The following ZNF316 variants were observed in gnomAD, a reference collection of about 807,000 sequenced individuals.
The protein encoded by ZNF316 is zinc finger protein 316.
In ZNF316, 23 loss-of-function variants were observed where a neutral mutation model predicts 75.6. The ratio of observed to expected loss-of-function variants is 0.30; its 90% confidence interval spans 0.22 to 0.43. The LOEUF is 0.43. ZNF316 is among the 20% of genes least tolerant of loss of function. The pLI is 1.00. For missense variants in ZNF316, 1,266 were observed against 1,409.4 expected (o/e 0.90, Z 1.63); for synonymous variants, 827 against 666.2 (o/e 1.24, Z -3.72).
chr7:6,646,721 C>T (rs1295441844), intron 8 of ZNF316, among the ~76,000 whole-genome samples: 2 of 152,010 alleles, frequency 1.3e-5, no homozygotes, highest in East Asian at 3.9e-4. Flanking sequence ...CCCAGTGCTC[C>T]CTGCCTCCCC....
At chr7:6,638,566 G>A (rs1039712517) in intron 2 of ZNF316, among the ~76,000 whole-genome samples, 1 of 152,152 alleles carries the variant, frequency 6.6e-6, no homozygotes, top group Non-Finnish European at 1.5e-5. Context: ...TTCTCCTCTT[G>A]GGAGATACCT....
Position 6,642,493 on chromosome 7 carries a change from G to A in ZNF316, c.84G>A (p.Gln28=). 8.1e-7 allele frequency: 1 copy of A among 1,233,970 alleles called. No homozygotes were observed. Among genetic ancestry groups the A allele is most frequent in the Non-Finnish European group, 1.0e-6 (1 of 988,992 alleles). 76.4% of individuals were successfully genotyped at this position (1,233,970 alleles called of 1,614,324 possible). A position where few individuals can be genotyped will look rare whatever the true frequency, so the allele number is the denominator to read the frequency against. ...ACGGGTCAGAGTGCGACCCTGACCA[G>A]GAAGAAGAGGAGGAGGAGGAGGAAA... The part of the protein sequence containing the change: ...AEDGSECDPD[Q]EEEEEEEEKG... The change falls in exon 5 of 9, where the codon CAG becomes CAA. Residue 28 remains glutamine (Q), a synonymous_variant. Transcript: ENST00000382252. This position sits in a 1 kb window ranked among gnomAD's most constrained non-coding sequence, Gnocchi z 8.1.
intron 8 of ZNF316, among the ~76,000 whole-genome samples, chr7:6,649,342 G>A (rs1779464473): frequency 6.6e-6 from 1 of 152,120 alleles, no homozygotes; most frequent in Admixed American, 6.6e-5. Flanking sequence ...AGGTGTGTTG[G>A]GTACCCTGGG....
rs924581085 is a variant in ZNF316, at chr7:6,639,925, G to A, written c.-167+784G>A. ...CCAAAGAGCTGTGGACACTGAGAAG[G>A]TTGGCTTCTGGGAGAGGCTGGAGGT... On this transcript the variant is annotated intron_variant, in intron 3 of 8. Transcript: ENST00000382252. This position sits in a 1 kb window ranked among gnomAD's most constrained non-coding sequence, Gnocchi z 4.2. Among the ~76,000 whole-genome samples, 1 of 152,220 alleles carries A rather than the reference G, an allele frequency of 6.6e-6. No individual in the cohort carries two copies. Among genetic ancestry groups the A allele is most frequent in the Non-Finnish European group, 1.5e-5 (1 of 68,052 alleles).
In ZNF316 at chr7:6,654,789, C is replaced by CGGAGACGTGGG. The variant is rs1217041122; in HGVS notation, c.*183_*193dup. ...TGCCCGCCGGGTCCGTGTGCTCAGC[C>CGGAGACGTGGG]GGAGACGTGGGGGAGCTCTGGGGAG... On this transcript the variant is annotated 3_prime_UTR_variant, in exon 9 of 9. Coordinates refer to ENST00000382252, the MANE Select transcript of ZNF316 (RefSeq NM_001278559.2). 1 of 474,324 alleles carries CGGAGACGTGGG rather than the reference C, an allele frequency of 2.1e-6. No homozygotes were observed. Among genetic ancestry groups the CGGAGACGTGGG allele is most frequent in the Admixed American group, 5.1e-5 (1 of 19,588 alleles). The allele number at this position is 474,324 out of a possible 1,614,324, so 29.4% of individuals were successfully genotyped here.
rs1010876773 is a variant in ZNF316 at position 6,652,640 on chromosome 7, C to T, written c.1044C>T (p.Asp348=). Residue 348 remains aspartate, a synonymous_variant, in exon 9 of 9, where the codon GAC becomes GAT. Coordinates refer to ENST00000382252, the MANE Select transcript of ZNF316 (RefSeq NM_001278559.2). The part of the protein sequence containing the change: ...PPAGRPETTC[D]VCGKVFPHRS... Reference sequence around the variant, plus strand: ...CCGGGAGGCCGGAGACCACGTGCGACGTGTGCGGCAAGGTCTTCCCGCACC... The same window carrying T: ...CCGGGAGGCCGGAGACCACGTGCGATGTGTGCGGCAAGGTCTTCCCGCACC... 4 of 1,230,776 alleles carry T rather than the reference C, an allele frequency of 3.2e-6. No homozygotes were observed. Among genetic ancestry groups the T allele is most frequent in the Admixed American group, 8.5e-5 (2 of 23,668 alleles). The allele number at this position is 1,230,776 out of a possible 1,614,324, so 76.2% of individuals were successfully genotyped here.
intron 7 of ZNF316, 69 bp from the exon 8 acceptor site, chr7:6,644,411 C>A: frequency 1.2e-6 from 1 of 846,046 alleles, no homozygotes; most frequent in Non-Finnish European, 1.6e-6. Context: ...AGCGGTGGCA[C>A]AGCACGGGCT....
chr7:6,648,772 C>T (rs775229049), intron 8 of ZNF316, among the ~76,000 whole-genome samples: 2 of 152,170 alleles, frequency 1.3e-5, no homozygotes, highest in South Asian at 2.1e-4. Context: ...GCCGTCCTGG[C>T]GGAACTGAGC....
In ZNF316 at chr7:6,654,731, C is replaced by G. The variant is rs941198487; in HGVS notation, c.*120C>G. 1.8e-5 allele frequency: 16 copies of G among 888,870 alleles called. No individual in the cohort carries two copies. The highest frequency in any genetic ancestry group is 2.3e-5 in the Non-Finnish European group (16 of 704,032). The allele number at this position is 888,870 out of a possible 1,614,324, so 55.1% of individuals were successfully genotyped here. ...GTCCCAGTCCTGGGTGCGGTGCCTTCCCTCAGCCCTCGCCCTGCGGCCCCG... is the reference window on the plus strand; with the variant it reads ...GTCCCAGTCCTGGGTGCGGTGCCTTGCCTCAGCCCTCGCCCTGCGGCCCCG... On this transcript the variant is annotated 3_prime_UTR_variant, in exon 9 of 9. Coordinates refer to ENST00000382252, the MANE Select transcript of ZNF316 (RefSeq NM_001278559.2).
At chr7:6,651,798 C>G (rs1463814808) in intron 8 of ZNF316, among the ~76,000 whole-genome samples, 1 of 152,228 alleles carries the variant, frequency 6.6e-6, no homozygotes, top group Non-Finnish European at 1.5e-5. Flanking sequence ...CTGACAAAGG[C>G]AGGTCTTCTG....
chr7:6,655,148 G>A lies in ZNF316; in HGVS notation c.*537G>A, dbSNP rs995408323. 5 of 152,262 alleles carry A rather than the reference G, an allele frequency of 3.3e-5. No homozygotes were observed. The highest frequency in any genetic ancestry group is 1.2e-4 in the African/African-American group (5 of 41,462). The allele number at this position is 152,262 out of a possible 1,614,324, so 9.4% of individuals were successfully genotyped here. A position where few individuals can be genotyped will look rare whatever the true frequency, so the allele number is the denominator to read the frequency against. On this transcript the variant is annotated 3_prime_UTR_variant, in exon 9 of 9. Coordinates refer to ENST00000382252, the MANE Select transcript of ZNF316 (RefSeq NM_001278559.2). ...CGAAGGTTTAACTGCGCGCGGCGAG[G>A]GGAGGCCTTGTAGGTTTCCAAAGGG...
rs1036364616 is a variant in ZNF316, at chr7:6,653,467, G to C, written c.1871G>C (p.Arg624Pro). The change falls in exon 9 of 9, where the codon CGG (arginine) becomes CCG (proline). Residue 624 changes from arginine to proline, a missense_variant. Physicochemically the swap from Arg to Pro is moderately radical, Grantham distance 103. Around this residue, in one of 3 missense-constraint regions of ZNF316, gnomAD observed 961 missense variants for 990.9 expected, o/e 0.97. Coordinates refer to ENST00000382252, the MANE Select transcript of ZNF316 (RefSeq NM_001278559.2). Reference sequence around the variant, plus strand: ...CTGGGCCTACCCGACTTCCGAGAGCGGCTGCCGGTCGACGGGCGCCCGCTC... The same window carrying C: ...CTGGGCCTACCCGACTTCCGAGAGCCGCTGCCGGTCGACGGGCGCCCGCTC... ...PILGLPDFRE[R>P]LPVDGRPLPA... The C allele has an allele frequency of 3.3e-6, 4 of 1,226,880 alleles. No individual in the cohort carries two copies. The highest frequency in any genetic ancestry group is 3.1e-4 in the Middle Eastern group (1 of 3,210). 76.0% of individuals were successfully genotyped at this position (1,226,880 alleles called of 1,614,324 possible).
In ZNF316 at chr7:6,639,391, T is replaced by C. The variant is rs1779274989; in HGVS notation, c.-167+250T>C. Reference sequence around the variant, plus strand: ...TGGCTGTACTCAGGGAGAGAGATGATAAGACAGTCTCATAAGTGTATTTTT... The same window carrying C: ...TGGCTGTACTCAGGGAGAGAGATGACAAGACAGTCTCATAAGTGTATTTTT... On this transcript the variant is annotated intron_variant, in intron 3 of 8. Coordinates refer to ENST00000382252, the MANE Select transcript of ZNF316 (RefSeq NM_001278559.2). The surrounding 1 kb of genome is among the most constrained non-coding windows in gnomAD (Gnocchi z 4.2). 6.6e-6 allele frequency among the ~76,000 whole-genome samples: 1 copy of C among 152,162 alleles called. No homozygotes were observed. Among genetic ancestry groups the C allele is most frequent in the African/African-American group, 2.4e-5 (1 of 41,438 alleles).
Position 6,654,512 on chromosome 7 carries a change from C to T in ZNF316, c.2916C>T (p.Gly972=). Residue 972 remains glycine, a synonymous_variant, in exon 9 of 9, where the codon GGC becomes GGT. Transcript: ENST00000382252. ...GPSSAGPGER[G]SALLEFAGGT... ...CCAGTGCCGGCCCCGGTGAGCGCGGCAGCGCCCTGCTGGAGTTCGCGGGCG... is the reference window on the plus strand; with the variant it reads ...CCAGTGCCGGCCCCGGTGAGCGCGGTAGCGCCCTGCTGGAGTTCGCGGGCG... 4 of 1,176,692 alleles carry T rather than the reference C, an allele frequency of 3.4e-6. No homozygotes were observed. Among genetic ancestry groups the T allele is most frequent in the South Asian group, 4.2e-5 (1 of 23,878 alleles). 72.9% of individuals were successfully genotyped at this position (1,176,692 alleles called of 1,614,324 possible). A position where few individuals can be genotyped will look rare whatever the true frequency, so the allele number is the denominator to read the frequency against.
chr7:6,641,995 G>C (rs1779318907), intron 4 of ZNF316, 33 bp downstream of exon 4: 1 of 161,344 alleles, frequency 6.2e-6, no homozygotes, highest in African/African-American at 2.4e-5. Context: ...TATCAGGTGG[G>C]CTTTTCCTTC....
rs1779334702 is a variant in ZNF316 at position 6,642,841 on chromosome 7, GAGGGCTCTT to G, written c.355+78_355+86del. The G allele has an allele frequency of 2.4e-5, 30 of 1,225,246 alleles. No homozygotes were observed. Among genetic ancestry groups the G allele is most frequent in the Non-Finnish European group, 2.8e-5 (27 of 981,668 alleles). 75.9% of individuals were successfully genotyped at this position (1,225,246 alleles called of 1,614,324 possible). Reference sequence around the variant, plus strand: ...CAGGCCAGGGACCTGGTCAAGCCAGGAGGGCTCTTGGGCCGACAGGGTGGAGCTGAAACC... The same window carrying G: ...CAGGCCAGGGACCTGGTCAAGCCAGGGGGCCGACAGGGTGGAGCTGAAACC... On this transcript the variant is annotated intron_variant, in intron 5 of 8. Coordinates refer to ENST00000382252, the MANE Select transcript of ZNF316 (RefSeq NM_001278559.2). This position sits in a 1 kb window ranked among gnomAD's most constrained non-coding sequence, Gnocchi z 8.1.
rs1446204249 is a variant in ZNF316, at chr7:6,653,969, G to A, written c.2373G>A (p.Thr791=). ...GAGFSRRAHL[T]AHGRAHTGER... ...GGTTCAGCCGTCGCGCGCACTTGAC[G>A]GCGCACGGGCGCGCGCACACCGGGG... is the stretch of plus-strand genomic sequence containing the variant. The change falls in exon 9 of 9, where the codon ACG becomes ACA. Residue 791 remains threonine, a synonymous_variant. Coordinates refer to ENST00000382252, the MANE Select transcript of ZNF316 (RefSeq NM_001278559.2). The A allele has an allele frequency of 8.6e-6, 10 of 1,167,012 alleles. No homozygotes were observed. The highest frequency in any genetic ancestry group is 9.3e-5 in the Admixed American group (2 of 21,394). 72.3% of individuals were successfully genotyped at this position (1,167,012 alleles called of 1,614,324 possible). A position where few individuals can be genotyped will look rare whatever the true frequency, so the allele number is the denominator to read the frequency against.
chr7:6,644,891 C>T (rs1410318945), intron 8 of ZNF316, among the ~76,000 whole-genome samples: 1 of 152,240 alleles, frequency 6.6e-6, no homozygotes, highest in East Asian at 1.9e-4. Context: ...TGAGCCAGGG[C>T]AGACCCAGGA....
intron 8 of ZNF316, among the ~76,000 whole-genome samples, chr7:6,648,522 C>T (rs1401995405): frequency 2.6e-5 from 4 of 152,186 alleles, no homozygotes; most frequent in Admixed American, 6.5e-5. Flanking sequence ...CTTCTGCAGC[C>T]GCATCGCAGG....
Sources: allele counts gnomAD v4.1 joint callset (sites outside exome capture counted in the v4.1 genomes callset), GRCh38; gene constraint gnomAD v4.1.1; regional missense constraint gnomAD v4.1.1; non-coding constraint Gnocchi (gnomAD v3.1); transcripts MANE v1.5; gene names NCBI Gene and HGNC (gene_info 2026-07-23, HGNC 2026-07-21).